The following NCBP3 variants were observed in gnomAD, a reference collection of about 807,000 sequenced individuals.
NCBP3 encodes the protein nuclear cap-binding protein subunit 3.
NCBP3 carries 20 observed loss-of-function variants against 75.7 expected under a neutral mutation model. The ratio of observed to expected loss-of-function variants is 0.26; its 90% CI spans 0.19 to 0.38. NCBP3 has a LOEUF of 0.38. Among genes scored for constraint, NCBP3 ranks in the 10% least tolerant of loss-of-function variants. The probability of loss-of-function intolerance (pLI) is 1.00; values close to 1 mark genes in which losing one functional copy is unlikely to be tolerated. For synonymous variants in NCBP3, 293 were observed against 290.5 expected (o/e 1.01, Z -0.09); for missense variants, 678 against 796.9 (o/e 0.85, Z 1.80).
At position 3,805,771 on chromosome 17, in the gene NCBP3, A is replaced by G. The variant is rs73974127; in HGVS notation, c.*7273T>C. On this transcript the variant is annotated 3_prime_UTR_variant, in exon 13 of 13. Coordinates refer to ENST00000389005, the MANE Select transcript of NCBP3 (RefSeq NM_001114118.3). ...ATGCTCCCCGGAAAGGAGAGCAAGG[A>G]TCCTTGAACACGCGTTAGCACTAGA... 0.14 allele frequency: 21,838 copies of G among 152,152 alleles called. 2,672 individuals carry two copies. The highest frequency in any genetic ancestry group is 0.33 in the African/African-American group (13,789 of 41,406). The allele number at this position is 152,152 out of a possible 1,614,324, so 9.4% of individuals were successfully genotyped here.
At chr17:3,838,966 C>G (rs548761903) in intron 3 of NCBP3, among the ~76,000 whole-genome samples, 2 of 152,262 alleles carry the variant, frequency 1.3e-5, no homozygotes, top group African/African-American at 4.8e-5. Flanking sequence ...ACAGCACAGG[C>G]CTTTAACATG....
chr17:3,813,176 C>A lies in NCBP3; in HGVS notation c.1731G>T (p.Leu577=), dbSNP rs374025988. The change falls in exon 13 of 13, where the codon CTG becomes CTT. Residue 577 remains leucine (L), a synonymous_variant. Coordinates refer to ENST00000389005, the MANE Select transcript of NCBP3 (RefSeq NM_001114118.3). Reference sequence around the variant, plus strand: ...TAATCAGAGCCCCCCATGCCCTTTGCAGCTCAGAGTCGTCTTCCTCAGCGC... The same window carrying A: ...TAATCAGAGCCCCCCATGCCCTTTGAAGCTCAGAGTCGTCTTCCTCAGCGC... ...APGAEEDDSE[L]QRAWGALIKE... 2 of 1,614,162 alleles carry A rather than the reference C, an allele frequency of 1.2e-6. No homozygotes were observed. The highest frequency in any genetic ancestry group is 2.7e-5 in the African/African-American group (2 of 74,952).
intron 3 of NCBP3, among the ~76,000 whole-genome samples, chr17:3,830,916 T>A (rs1390958425): frequency 1.3e-5 from 2 of 151,166 alleles, no homozygotes; most frequent in Non-Finnish European, 3.0e-5. Context: ...TTTTTTTTTT[T>A]TTCTTTTTTT....
chr17:3,842,963 G>GA (rs1034081342), intron 2 of NCBP3, 123 bp downstream of exon 2: 22 of 909,884 alleles, frequency 2.4e-5, no homozygotes, highest in Non-Finnish European at 3.0e-5. Flanking sequence ...ATTTTTTTTA[G>GA]AAAAAAAATT....
chr17:3,824,675 C>G (rs867227975), intron 7 of NCBP3: 1 of 214,776 alleles, frequency 4.7e-6, no homozygotes, highest in Non-Finnish European at 9.2e-6. Context: ...CAGATGGTAA[C>G]TGGCTGAAAA....
Position 3,827,724 on chromosome 17 carries a change from T to C in NCBP3, c.482-1509A>G, listed in dbSNP as rs177988. ...GATAAATAATACAAGGTAGGTGAACTATGTAATTCTGAGAGTCCCTCCAAT... is the reference window on the plus strand; with the variant it reads ...GATAAATAATACAAGGTAGGTGAACCATGTAATTCTGAGAGTCCCTCCAAT... On this transcript the variant is annotated intron_variant, in intron 4 of 12. Transcript: ENST00000389005. Among the ~76,000 whole-genome samples the C allele has an allele frequency of 3.9e-3, 599 of 152,362 alleles. 6 individuals are homozygous for C. Among genetic ancestry groups the C allele is most frequent in the African/African-American group, 0.013 (558 of 41,576 alleles).
Position 3,807,121 on chromosome 17 carries a change from T to G in NCBP3, c.*5923A>C, listed in dbSNP as rs984344867. Reference sequence around the variant, plus strand: ...ATGCTGCTTTAGGCAAAAGAGCCACTGGAGGAATGAGCTCTGCTCTTTTCA... The same window carrying G: ...ATGCTGCTTTAGGCAAAAGAGCCACGGGAGGAATGAGCTCTGCTCTTTTCA... On this transcript the variant is annotated 3_prime_UTR_variant, in exon 13 of 13. Coordinates refer to ENST00000389005, the MANE Select transcript of NCBP3 (RefSeq NM_001114118.3). 4 of 152,254 alleles carry G rather than the reference T, an allele frequency of 2.6e-5. 1 individual carries two copies. The highest frequency in any genetic ancestry group is 5.9e-5 in the Non-Finnish European group (4 of 68,044). The allele number at this position is 152,254 out of a possible 1,614,324, so 9.4% of individuals were successfully genotyped here.
intron 3 of NCBP3, among the ~76,000 whole-genome samples, chr17:3,834,468 C>T (rs2053940599): frequency 6.6e-6 from 1 of 152,208 alleles, no homozygotes; most frequent in African/African-American, 2.4e-5. Context: ...CCAGAGTGAA[C>T]AGGCTCATCA....
At chr17:3,839,250 G>A (rs2054025272) in intron 3 of NCBP3, among the ~76,000 whole-genome samples, 3 of 152,104 alleles carry the variant, frequency 2.0e-5, no homozygotes, top group Admixed American at 1.3e-4. Flanking sequence ...AACTGTAAGC[G>A]CAGGCTTAAA....
intron 1 of NCBP3, among the ~76,000 whole-genome samples, chr17:3,845,403 G>A (rs1189544229): frequency 6.6e-6 from 1 of 152,082 alleles, no homozygotes; most frequent in African/African-American, 2.4e-5. Context: ...ACCATCCCCA[G>A]CGCGGTAAAG....
chr17:3,836,155 T>G (rs149024047), intron 3 of NCBP3, among the ~76,000 whole-genome samples: 1 of 152,354 alleles, frequency 6.6e-6, no homozygotes, highest in African/African-American at 2.4e-5. Flanking sequence ...TAACTTGAAC[T>G]TGACGCCTAG....
At position 3,812,936 on chromosome 17, in the gene NCBP3, G is replaced by C; in HGVS notation, c.*108C>G. On this transcript the variant is annotated 3_prime_UTR_variant, in exon 13 of 13. Coordinates refer to ENST00000389005, the MANE Select transcript of NCBP3 (RefSeq NM_001114118.3). ...TAGCAAGAGCGGAGGGTGACTGTGT[G>C]AGCAGGAGCGAGAGGGCGCCAGCTC... 2.6e-6 allele frequency: 4 copies of C among 1,537,904 alleles called. No homozygotes were observed. The highest frequency in any genetic ancestry group is 3.5e-6 in the Non-Finnish European group (4 of 1,145,958).
chr17:3,812,194 T>C lies in NCBP3; in HGVS notation c.*850A>G, dbSNP rs2053429095. The C allele has an allele frequency of 6.6e-6, 1 of 152,376 alleles. No homozygotes were observed. Among genetic ancestry groups the C allele is most frequent in the South Asian group, 2.1e-4 (1 of 4,824 alleles). The allele number at this position is 152,376 out of a possible 1,614,324, so 9.4% of individuals were successfully genotyped here. ...TTAACAGCACAAAAGACGACACCAC[T>C]TGAGCTTCCCCTTTAGCCAACAGGA... On this transcript the variant is annotated 3_prime_UTR_variant, in exon 13 of 13. Transcript: ENST00000389005.
intron 4 of NCBP3, among the ~76,000 whole-genome samples, chr17:3,827,302 A>G (rs1263154890): frequency 6.6e-6 from 1 of 152,208 alleles, no homozygotes; most frequent in Non-Finnish European, 1.5e-5. Flanking sequence ...GCAGTTCTTG[A>G]TAACTGTCAA....
At chr17:3,841,485 C>G (rs762883122) in intron 2 of NCBP3, among the ~76,000 whole-genome samples, 16 of 152,062 alleles carry the variant, frequency 1.1e-4, no homozygotes, top group Non-Finnish European at 2.2e-4. Flanking sequence ...TCCCATATAC[C>G]TGTGTCATAT....
chr17:3,816,083 A>T, intron 11 of NCBP3, 33 bp downstream of exon 11: 1 of 1,596,200 alleles, frequency 6.3e-7, no homozygotes, highest in Non-Finnish European at 8.5e-7. Context: ...CGGAGCTCAG[A>T]ATCCAGCCAG....
chr17:3,814,559 C>T lies in NCBP3; in HGVS notation c.1466-76G>A, dbSNP rs574882467. The stretch of plus-strand genomic sequence containing the variant: ...GGCACCAGCCGCCTGACACCTCTAA[C>T]GGATCTGGCGCTAACCCCTGCCCCG... On this transcript the variant is annotated intron_variant, in intron 11 of 12. Coordinates refer to ENST00000389005, the MANE Select transcript of NCBP3 (RefSeq NM_001114118.3). The T allele has an allele frequency of 1.5e-5, 22 of 1,492,770 alleles. No individual in the cohort carries two copies. In the Middle Eastern group the frequency reaches 7.0e-4, roughly 47 times the overall value. 92.5% of individuals were successfully genotyped at this position (1,492,770 alleles called of 1,614,324 possible). A position where few individuals can be genotyped will look rare whatever the true frequency, so the allele number is the denominator to read the frequency against.
At chr17:3,830,965 G>A (rs566470826) in intron 3 of NCBP3, among the ~76,000 whole-genome samples, 8 of 148,626 alleles carry the variant, frequency 5.4e-5, no homozygotes, top group Admixed American at 2.0e-4. Flanking sequence ...AGGCTGGAAT[G>A]CAATGGTGCA....
At position 3,808,506 on chromosome 17, in the gene NCBP3, T is replaced by C. The variant is rs2053359873; in HGVS notation, c.*4538A>G. The C allele has an allele frequency of 6.6e-6, 1 of 151,904 alleles. No homozygotes were observed. Among genetic ancestry groups the C allele is most frequent in the Non-Finnish European group, 1.5e-5 (1 of 68,022 alleles). The allele number at this position is 151,904 out of a possible 1,614,324, so 9.4% of individuals were successfully genotyped here. ...CTAGAAGGGCCCCTAAGACCTTAAG[T>C]TGGTGAGGGGAAGATTGAGGCGGGA... On this transcript the variant is annotated 3_prime_UTR_variant, in exon 13 of 13. Transcript: ENST00000389005.
Sources: gnomAD v4.1 joint callset for allele counts (sites outside exome capture counted in the v4.1 genomes callset) on GRCh38, gnomAD v4.1.1 for gene constraint, MANE v1.5 for transcripts, NCBI Gene and HGNC (gene_info 2026-07-23, HGNC 2026-07-21) for gene names.